CUBN: variants seen among roughly 807,000 people sequenced by gnomAD.
CUBN encodes the protein 460 kDa receptor.
A neutral mutation model predicts 405.3 loss-of-function variants in CUBN; 282 were observed. The observed-to-expected ratio is 0.70, with a 90% CI of 0.63 to 0.77. CUBN has a LOEUF of 0.77. Ranked by LOEUF, CUBN falls within the 30% of genes least tolerant of loss-of-function variation. The pLI is 0.00. For synonymous variants in CUBN, 1,684 were observed against 1,617.0 expected (o/e 1.04, Z -0.99); for missense variants, 4,514 against 4,475.2 (o/e 1.01, Z -0.25).
intron 28 of CUBN, among the ~76,000 whole-genome samples, chr10:16,997,810 A>G (rs11254325): frequency 0.15 from 22,605 of 152,124 alleles, 2,156 homozygotes; most frequent in African/African-American, 0.27. Context: ...TAATTCCCCA[A>G]CATTTCACAG....
At chr10:17,125,488 A>G (rs1837159542) in intron 4 of CUBN, among the ~76,000 whole-genome samples, 1 of 152,220 alleles carries the variant, frequency 6.6e-6, no homozygotes, top group Admixed American at 6.5e-5. Context: ...GTGCTAGCAC[A>G]ACAATTGGCT....
intron 50 of CUBN, 35 bp downstream of exon 50, chr10:16,906,168 A>C: frequency 1.4e-6 from 2 of 1,439,388 alleles, no homozygotes; most frequent in Non-Finnish European, 2.0e-6. Context: ...AATATTGTAG[A>C]TAAATGGGAA....
At position 16,933,132 on chromosome 10, in the gene CUBN, CA is replaced by C; in HGVS notation, c.6078del (p.Ile2026MetfsTer13). ...TVELNILSLDIESHRTCAYDS... is the reference protein window; with the variant it reads ...TVELNILSLDXESHRTCAYDS... ...TCATAGGCACACGTTCGGTGAGATT[CA>C]ATGTCCAGGGAAAGAATGTTGAGTT... On this transcript the variant is annotated frameshift_variant, in exon 40 of 67. Transcript: ENST00000377833. LOFTEE classifies it high-confidence loss of function. 1 of 1,614,042 alleles carries C rather than the reference CA, an allele frequency of 6.2e-7. No homozygotes were observed. The highest frequency in any genetic ancestry group is 8.5e-7 in the Non-Finnish European group (1 of 1,180,012).
At chr10:16,957,528 T>A (rs991541302) in intron 31 of CUBN, among the ~76,000 whole-genome samples, 1 of 152,074 alleles carries the variant, frequency 6.6e-6, no homozygotes, top group Non-Finnish European at 1.5e-5. Flanking sequence ...ACCAGTGAAA[T>A]CCAAATCAAA....
chr10:17,028,017 A>T (rs1385703360), intron 27 of CUBN, among the ~76,000 whole-genome samples: 2 of 152,104 alleles, frequency 1.3e-5, no homozygotes, highest in Non-Finnish European at 2.9e-5. Flanking sequence ...TAAAAATAAT[A>T]ATGTCTTCAG....
At chr10:17,074,415 T>C (rs1197412162) in intron 17 of CUBN, among the ~76,000 whole-genome samples, 1 of 152,196 alleles carries the variant, frequency 6.6e-6, no homozygotes, top group African/African-American at 2.4e-5. Context: ...CAGCCTGAAA[T>C]GTGAGCGTCA....
chr10:17,124,778 T>A (rs187956342), intron 4 of CUBN, among the ~76,000 whole-genome samples: 23 of 149,698 alleles, frequency 1.5e-4, no homozygotes, highest in Middle Eastern at 6.9e-3. Flanking sequence ...ATGGCCACTT[T>A]ATGAATTTCA....
chr10:16,929,453 A>T (rs1842305231), intron 40 of CUBN, among the ~76,000 whole-genome samples: 1 of 152,226 alleles, frequency 6.6e-6, no homozygotes, highest in African/African-American at 2.4e-5. Flanking sequence ...ACAAAAATAG[A>T]ATATGAGACA....
At chr10:16,877,462 T>C (rs892699038) in intron 56 of CUBN, among the ~76,000 whole-genome samples, 1 of 151,880 alleles carries the variant, frequency 6.6e-6, no homozygotes, top group African/African-American at 2.4e-5. Flanking sequence ...TAGAGTGGAG[T>C]AGAGACCAGG....
In CUBN at chr10:16,851,165, T is replaced by C; in HGVS notation, c.9663+70A>G. ...AAATTAGCAGGACTTCCTGTAACGA[T>C]ATAAACTGGAATACACTATATTAGA... On this transcript the variant is annotated intron_variant, in intron 60 of 66. Coordinates refer to ENST00000377833, the MANE Select transcript of CUBN (RefSeq NM_001081.4). The C allele has an allele frequency of 2.3e-6, 3 of 1,293,596 alleles. No homozygotes were observed. In the Admixed American group the frequency reaches 5.1e-5, roughly 22 times the overall value. The allele number at this position is 1,293,596 out of a possible 1,614,324, so 80.1% of individuals were successfully genotyped here.
At chr10:17,089,300 T>A (rs1444061108) in intron 14 of CUBN, among the ~76,000 whole-genome samples, 1 of 152,154 alleles carries the variant, frequency 6.6e-6, no homozygotes, top group African/African-American at 2.4e-5. Flanking sequence ...CATTTCCCAA[T>A]GTAATACTTT....
At chr10:16,891,903 T>G (rs991009444) in intron 54 of CUBN, among the ~76,000 whole-genome samples, 1 of 152,110 alleles carries the variant, frequency 6.6e-6, no homozygotes, top group African/African-American at 2.4e-5. Flanking sequence ...CAATACCCAA[T>G]ATGCCCTTTC....
intron 11 of CUBN, among the ~76,000 whole-genome samples, chr10:17,105,205 T>A (rs965561526): frequency 6.6e-6 from 1 of 152,240 alleles, no homozygotes; most frequent in Non-Finnish European, 1.5e-5. Context: ...TTGTTTTGTA[T>A]GTCAGATTTA....
intron 27 of CUBN, 112 bp downstream of exon 27, chr10:17,040,921 G>T (rs1835003344): frequency 3.1e-6 from 3 of 957,128 alleles, no homozygotes; most frequent in Non-Finnish European, 5.1e-6. Flanking sequence ...GTGTGTTATA[G>T]ATGCGTGGGG....
intron 65 of CUBN, among the ~76,000 whole-genome samples, chr10:16,829,261 G>A (rs1838894284): frequency 6.7e-6 from 1 of 149,462 alleles, no homozygotes; most frequent in African/African-American, 2.5e-5. Flanking sequence ...CTCCACACAC[G>A]TGCCTTTGCC....
chr10:17,127,986 C>T (rs1195395618), intron 2 of CUBN, 62 bp from the exon 3 acceptor site: 3 of 1,165,938 alleles, frequency 2.6e-6, no homozygotes, highest in Admixed American at 1.8e-5. Context: ...TTTATCTTTA[C>T]AGTAACATAA....
rs575245097 is a variant in CUBN, at chr10:17,074,927, C to T, written c.2302-2956G>A. Among the ~76,000 whole-genome samples the T allele has an allele frequency of 2.6e-5, 4 of 152,064 alleles. No homozygotes were observed. The South Asian group carries it at 8.3e-4, about 32-fold the overall frequency. On this transcript the variant is annotated intron_variant, in intron 17 of 66. Coordinates refer to ENST00000377833, the MANE Select transcript of CUBN (RefSeq NM_001081.4). ...TAAAAAGTCTTAAATTGTAGAGAACCACTGGGTTAACCAAAGACTCTGAAC... is the reference window on the plus strand; with the variant it reads ...TAAAAAGTCTTAAATTGTAGAGAACTACTGGGTTAACCAAAGACTCTGAAC...
rs759661710 is a variant in CUBN at position 16,869,805 on chromosome 10, G to T, written c.9285C>A (p.Tyr3095Ter). 1 of 1,614,106 alleles carries T rather than the reference G, an allele frequency of 6.2e-7. No homozygotes were observed. ...TATTGGCACCATCGTAAATTGCCAG[G>T]TAGTCATGGGAGCAGGAGGTGGAGG... ...VVPSTSCSHD[Y>*]LAIYDGANTS... The change falls in exon 59 of 67, where the codon TAC (tyrosine) becomes TAA (stop). Residue 3095 changes from tyrosine (Y) to a stop codon, truncating the protein, a stop_gained. Transcript: ENST00000377833. LOFTEE classifies it high-confidence loss of function.
At chr10:17,082,874 G>A (rs1836003074) in intron 17 of CUBN, among the ~76,000 whole-genome samples, 1 of 152,108 alleles carries the variant, frequency 6.6e-6, no homozygotes, top group Non-Finnish European at 1.5e-5. Context: ...AATAATAATG[G>A]TTGTTGAGAG....
Sources: allele counts gnomAD v4.1 joint callset (sites outside exome capture counted in the v4.1 genomes callset), GRCh38; gene constraint gnomAD v4.1.1; transcripts MANE v1.5; gene names NCBI Gene and HGNC (gene_info 2026-07-23, HGNC 2026-07-21).